PIBF1: variants seen among roughly 807,000 people sequenced by gnomAD.
PIBF1 encodes the protein progesterone-induced-blocking factor 1.
Under a neutral mutation model 112.5 loss-of-function variants are expected in PIBF1, and 90 were observed. That is an observed-to-expected ratio of 0.80 (90% CI 0.67 to 0.95). The LOEUF (loss-of-function observed/expected upper bound fraction) is 0.95, where lower values mean the gene tolerates loss of function less well. Among genes scored for constraint, PIBF1 ranks in the 40% least tolerant of loss-of-function variants. PIBF1 has a pLI of 0.00. For synonymous variants in PIBF1, 301 were observed against 288.6 expected, an observed-to-expected ratio of 1.04 and a Z score of -0.44; for missense variants, 915 against 852.3, an observed-to-expected ratio of 1.07 and a Z score of -0.92.
intron 16 of PIBF1, among the ~76,000 whole-genome samples, chr13:72,988,051 C>T (rs1401730735): frequency 6.6e-6 from 1 of 150,504 alleles, no homozygotes; most frequent in African/African-American, 2.4e-5. Context: ...TTAGTAGAGA[C>T]GGGGTTTCAC....
intron 9 of PIBF1, 90 bp from the exon 10 acceptor site, chr13:72,853,967 G>T (rs2038291827): frequency 4.0e-6 from 4 of 989,546 alleles, no homozygotes; most frequent in Non-Finnish European, 6.3e-6. Flanking sequence ...TCTCAGATGG[G>T]TCCTTAAGAT....
intron 16 of PIBF1, among the ~76,000 whole-genome samples, chr13:72,974,963 A>G (rs184037819): frequency 1.2e-3 from 189 of 151,936 alleles, no homozygotes; most frequent in Non-Finnish European, 2.4e-3. Flanking sequence ...AACCATTGGT[A>G]TTTTTAACAC....
intron 17 of PIBF1, among the ~76,000 whole-genome samples, chr13:73,010,447 A>G (rs1163781672): frequency 3.3e-5 from 5 of 151,944 alleles, no homozygotes; most frequent in Non-Finnish European, 2.9e-5. Flanking sequence ...TATTAAAAAT[A>G]CAAAAATTAG....
intron 14 of PIBF1, 62 bp downstream of exon 14, chr13:72,931,329 C>T: frequency 9.5e-7 from 1 of 1,051,226 alleles, no homozygotes; most frequent in African/African-American, 1.6e-5. Context: ...GTTTGTAACT[C>T]TTTTATTTTT....
intron 16 of PIBF1, among the ~76,000 whole-genome samples, chr13:72,975,018 C>CT (rs1160462869): frequency 1.4e-5 from 2 of 148,048 alleles, no homozygotes; most frequent in East Asian, 4.0e-4. Flanking sequence ...TCTTAGCCAT[C>CT]TTTTTACCAT....
At chr13:72,924,639 G>A (rs184813084) in intron 13 of PIBF1, among the ~76,000 whole-genome samples, 3 of 152,098 alleles carry the variant, frequency 2.0e-5, no homozygotes, top group East Asian at 1.9e-4. Flanking sequence ...TCACTTGAGC[G>A]CAGGAGGTCA....
chr13:72,851,074 C>T (rs567383975), intron 9 of PIBF1, among the ~76,000 whole-genome samples: 2 of 152,286 alleles, frequency 1.3e-5, no homozygotes, highest in South Asian at 4.1e-4. Flanking sequence ...GCAGCAGCGG[C>T]CCATCTGGAG....
At chr13:72,786,972 C>T (rs527299064) in intron 2 of PIBF1, among the ~76,000 whole-genome samples, 1 of 152,092 alleles carries the variant, frequency 6.6e-6, no homozygotes, top group East Asian at 1.9e-4. Context: ...TTGTTAAGTG[C>T]CTTAGATTGT....
At chr13:72,972,133 G>C (rs565761922) in intron 15 of PIBF1, among the ~76,000 whole-genome samples, 4 of 151,338 alleles carry the variant, frequency 2.6e-5, no homozygotes, top group East Asian at 2.0e-4. Flanking sequence ...TCCTGGGCTC[G>C]AGCGATCCTC....
chr13:72,927,064 CTT>C (rs555171205), intron 13 of PIBF1, among the ~76,000 whole-genome samples: 32 of 141,746 alleles, frequency 2.3e-4, no homozygotes, highest in Admixed American at 2.1e-4. Context: ...TAGTAATTTC[CTT>C]TTTTTTTTTT....
At chr13:73,007,993 G>A (rs548728372) in intron 17 of PIBF1, among the ~76,000 whole-genome samples, 1 of 152,092 alleles carries the variant, frequency 6.6e-6, no homozygotes, top group African/African-American at 2.4e-5. Flanking sequence ...ATCTGGAAAT[G>A]AAGAATATAC....
chr13:72,964,177 T>A (rs1030396964), intron 14 of PIBF1, among the ~76,000 whole-genome samples: 1 of 152,184 alleles, frequency 6.6e-6, no homozygotes, highest in Non-Finnish European at 1.5e-5. Flanking sequence ...TTCTGATACA[T>A]GATACAACAT....
chr13:72,828,742 TAC>T (rs1336140827), intron 8 of PIBF1, among the ~76,000 whole-genome samples: 1 of 152,236 alleles, frequency 6.6e-6, no homozygotes, highest in Non-Finnish European at 1.5e-5. Context: ...GCAGTAAACA[TAC>T]GTGTGCATGT....
chr13:72,944,136 A>G (rs1268600855), intron 14 of PIBF1, among the ~76,000 whole-genome samples: 1 of 152,144 alleles, frequency 6.6e-6, no homozygotes, highest in Admixed American at 6.5e-5. Context: ...GTAAATAATG[A>G]TTTTGCCTAT....
intron 14 of PIBF1, among the ~76,000 whole-genome samples, chr13:72,937,747 C>T (rs1169419481): frequency 6.6e-6 from 1 of 151,768 alleles, no homozygotes; most frequent in African/African-American, 2.4e-5. Flanking sequence ...CCTAGGGGTT[C>T]GAGGTTGCAG....
chr13:72,874,789 T>C (rs1171264246), intron 10 of PIBF1, among the ~76,000 whole-genome samples: 1 of 152,214 alleles, frequency 6.6e-6, no homozygotes, highest in Non-Finnish European at 1.5e-5. Context: ...AGAGCAGTTT[T>C]GGGTTCACTG....
chr13:72,906,522 T>C (rs2040710341), intron 11 of PIBF1, among the ~76,000 whole-genome samples: 1 of 152,102 alleles, frequency 6.6e-6, no homozygotes, highest in Non-Finnish European at 1.5e-5. Context: ...TCAAGTTCTC[T>C]TTGGCATTTC....
At chr13:72,914,376 A>G (rs1248184074) in intron 12 of PIBF1, among the ~76,000 whole-genome samples, 1 of 149,370 alleles carries the variant, frequency 6.7e-6, no homozygotes, top group Non-Finnish European at 1.5e-5. Flanking sequence ...CTCATATTAG[A>G]AAAAAAAAAC....
At chr13:72,989,940 A>T (rs1285135195) in intron 16 of PIBF1, among the ~76,000 whole-genome samples, 1 of 152,136 alleles carries the variant, frequency 6.6e-6, no homozygotes, top group African/African-American at 2.4e-5. Context: ...CCGACCAGGC[A>T]CTGAGGCTCA....
Sources: gnomAD v4.1 joint callset for allele counts (sites outside exome capture counted in the v4.1 genomes callset) on GRCh38, gnomAD v4.1.1 for gene constraint, MANE v1.5 for transcripts, NCBI Gene and HGNC (gene_info 2026-07-23, HGNC 2026-07-21) for gene names.